MPDZ: variants seen among roughly 807,000 people sequenced by gnomAD.
MPDZ encodes the protein multiple PDZ domain protein.
In MPDZ, 234 loss-of-function variants were observed where a neutral mutation model predicts 239.1. The observed-to-expected ratio is 0.98, with a 90% CI of 0.88 to 1.09. The LOEUF (loss-of-function observed/expected upper bound fraction) is 1.09, where lower values mean the gene tolerates loss of function less well. MPDZ is among the 50% of genes least tolerant of loss of function. MPDZ has a pLI of 0.00. For missense variants in MPDZ, 3,175 were observed against 2,510.0 expected (o/e 1.26, Z -5.66); for synonymous variants, 1,048 against 881.3 (o/e 1.19, Z -3.35).
intron 1 of MPDZ, among the ~76,000 whole-genome samples, chr9:13,253,225 T>TAAAA (rs370161594): frequency 7.0e-6 from 1 of 143,792 alleles, no homozygotes; most frequent in Non-Finnish European, 1.5e-5. Flanking sequence ...ACACAAAGGT[T>TAAAA]AAAAAAAAAA....
chr9:13,217,582 T>C (rs1316952998), intron 8 of MPDZ, among the ~76,000 whole-genome samples: 6 of 152,032 alleles, frequency 3.9e-5, no homozygotes, highest in African/African-American at 1.4e-4. Context: ...ACAGGTTTTT[T>C]TTAGCAAATT....
chr9:13,131,885 T>C (rs1040173019), intron 32 of MPDZ, among the ~76,000 whole-genome samples: 2 of 152,178 alleles, frequency 1.3e-5, no homozygotes, highest in Admixed American at 6.5e-5. Flanking sequence ...ACAAATGGCT[T>C]GCCTATTGCC....
At position 13,175,804 on chromosome 9, in the gene MPDZ, A is replaced by G. The variant is rs2134171385; in HGVS notation, c.3003T>C (p.Ser1001=). ...NAECVMLQNV[S]KESFERTINI... Reference sequence around the variant, plus strand: ...TAATAGTCCTTTCAAAAGATTCTTTAGATACATTTTGAAGCATGACACACT... The same window carrying G: ...TAATAGTCCTTTCAAAAGATTCTTTGGATACATTTTGAAGCATGACACACT... Residue 1001 remains serine, a synonymous_variant, in exon 21 of 47, where the codon TCT becomes TCC. Transcript: ENST00000319217. 6.3e-7 allele frequency: 1 copy of G among 1,581,530 alleles called. No homozygotes were observed.
At chr9:13,218,773 G>A (rs1419866010) in intron 8 of MPDZ, among the ~76,000 whole-genome samples, 1 of 151,670 alleles carries the variant, frequency 6.6e-6, no homozygotes, top group East Asian at 1.9e-4. Flanking sequence ...CTAGAAACTG[G>A]GTGTAATTCT....
In MPDZ at chr9:13,241,075, T is replaced by C. The variant is rs543766166; in HGVS notation, c.183+6560A>G. On this transcript the variant is annotated intron_variant, in intron 3 of 46. Transcript: ENST00000319217. ...CTTGCCCACGGTAAAACAAAAATTT[T>C]AGTCCCTTCAATGGCTCTATATTTA... Among the ~76,000 whole-genome samples the C allele has an allele frequency of 1.6e-4, 24 of 152,280 alleles. No individual in the cohort carries two copies. The South Asian group carries it at 4.8e-3, about 30-fold the overall frequency.
chr9:13,122,523 C>CTTTTTTTTTTTTTTTTTT (rs1193402258), intron 36 of MPDZ, among the ~76,000 whole-genome samples: 5 of 141,148 alleles, frequency 3.5e-5, no homozygotes, highest in African/African-American at 1.3e-4. Flanking sequence ...TTTTCAAACT[C>CTTTTTTTTTTTTTTTTTT]TTTTTTTTTT....
At chr9:13,135,973 A>AAGGCTAT (rs1172455912) in intron 31 of MPDZ, 119 bp downstream of exon 31, 1 of 664,058 alleles carries the variant, frequency 1.5e-6, no homozygotes, top group Non-Finnish European at 2.6e-6. Flanking sequence ...CTTGAAGGCC[A>AAGGCTAT]AGGCTATAAC....
chr9:13,258,723 A>G (rs558355684), intron 1 of MPDZ, among the ~76,000 whole-genome samples: 1 of 152,218 alleles, frequency 6.6e-6, no homozygotes, highest in Non-Finnish European at 1.5e-5. Context: ...CTTCTCCCTC[A>G]TTTTTATAGG....
chr9:13,238,442 A>G (rs1458932928), intron 3 of MPDZ, among the ~76,000 whole-genome samples: 2 of 152,194 alleles, frequency 1.3e-5, no homozygotes, highest in South Asian at 2.1e-4. Context: ...AAGCCCGCCT[A>G]TAAAATATGC....
intron 12 of MPDZ, among the ~76,000 whole-genome samples, chr9:13,199,766 T>C (rs1487606361): frequency 2.0e-5 from 3 of 152,156 alleles, no homozygotes; most frequent in African/African-American, 7.2e-5. Flanking sequence ...TCCCATTTAC[T>C]GATTGGCATA....
intron 23 of MPDZ, among the ~76,000 whole-genome samples, chr9:13,161,514 T>G (rs1950489457): frequency 6.6e-6 from 1 of 151,982 alleles, no homozygotes; most frequent in South Asian, 2.1e-4. Context: ...GAGGTCTCAG[T>G]AAGCCAAAAT....
intron 1 of MPDZ, among the ~76,000 whole-genome samples, chr9:13,271,613 A>T (rs1972976095): frequency 6.6e-6 from 1 of 152,188 alleles, no homozygotes; most frequent in African/African-American, 2.4e-5. Context: ...TGAAATTAAA[A>T]ACATCAATTA....
At chr9:13,194,303 G>A (rs1038513301) in intron 13 of MPDZ, among the ~76,000 whole-genome samples, 1 of 151,804 alleles carries the variant, frequency 6.6e-6, no homozygotes, top group African/African-American at 2.4e-5. Context: ...AGCACAAAGG[G>A]CAGTTAAAAG....
chr9:13,175,610 G>T, intron 21 of MPDZ, 142 bp downstream of exon 21: 1 of 816,290 alleles, frequency 1.2e-6, no homozygotes, highest in Non-Finnish European at 1.9e-6. Flanking sequence ...AAATAATGAG[G>T]ACATAGAAAT....
intron 37 of MPDZ, 23 bp from the exon 38 acceptor site, chr9:13,121,955 C>A (rs931241115): frequency 6.8e-6 from 11 of 1,608,122 alleles, no homozygotes; most frequent in Non-Finnish European, 9.4e-6. Context: ...GGGACACTGA[C>A]TGTAAGGAAC....
chr9:13,113,102 T>C, intron 41 of MPDZ, 48 bp from the exon 42 acceptor site: 3 of 1,476,656 alleles, frequency 2.0e-6, no homozygotes, highest in South Asian at 1.3e-5. Context: ...GTTCATTCAC[T>C]TTTTATGTTC....
At chr9:13,187,762 G>GAAAACGTGTATCTGCCTTTTC (rs34307097) in intron 17 of MPDZ, among the ~76,000 whole-genome samples, 148,703 of 152,140 alleles carry the variant, frequency 0.98, 72,739 homozygotes, top group Non-Finnish European at 1. Context: ...ATTTTCTTAA[G>GAAAACGTGTATCTGCCTTTTC]ACTTCAAACT....
At chr9:13,166,036 T>A (rs1951034798) in intron 22 of MPDZ, among the ~76,000 whole-genome samples, 1 of 152,140 alleles carries the variant, frequency 6.6e-6, no homozygotes, top group Non-Finnish European at 1.5e-5. Context: ...ACCAATCAGT[T>A]ATGTAACTCA....
rs1000683774 is a variant in MPDZ, at chr9:13,142,881, A to C, written c.3840+585T>G. Among the ~76,000 whole-genome samples the C allele has an allele frequency of 2.6e-5, 4 of 152,136 alleles. No individual in the cohort carries two copies. In the East Asian group the frequency reaches 7.7e-4, roughly 29 times the overall value. ...AAATTATGGTATATAAATTCTTATAAATTTGTGTTTCGATTTTGGTTTTAT... is the reference window on the plus strand; with the variant it reads ...AAATTATGGTATATAAATTCTTATACATTTGTGTTTCGATTTTGGTTTTAT... On this transcript the variant is annotated intron_variant, in intron 27 of 46. Transcript: ENST00000319217.
Sources: allele counts gnomAD v4.1 joint callset (sites outside exome capture counted in the v4.1 genomes callset), GRCh38; gene constraint gnomAD v4.1.1; transcripts MANE v1.5; gene names NCBI Gene and HGNC (gene_info 2026-07-23, HGNC 2026-07-21).